Variants in TRIM69 observed in about 807,000 individuals in gnomAD.
TRIM69 encodes the protein E3 ubiquitin-protein ligase TRIM69.
Under a neutral mutation model 37.7 loss-of-function variants are expected in TRIM69, and 29 were observed. The observed-to-expected ratio is 0.77, with a 90% CI of 0.57 to 1.05. The LOEUF (loss-of-function observed/expected upper bound fraction) is 1.05. TRIM69 is among the 50% of genes least tolerant of loss of function. TRIM69 has a pLI of 0.00. For missense variants in TRIM69, 596 were observed against 579.9 expected, an observed-to-expected ratio of 1.03 and a Z score of -0.28; for synonymous variants, 209 against 212.4, an observed-to-expected ratio of 0.98 and a Z score of 0.14.
chr15:44,751,082 A>G (rs1346224082), intron 1 of TRIM69, among the ~76,000 whole-genome samples: 2 of 149,148 alleles, frequency 1.3e-5, no homozygotes, highest in South Asian at 2.1e-4. Context: ...CAGTCTCCCA[A>G]ATAGCTGGAA....
intron 6 of TRIM69, 123 bp from the exon 7 acceptor site, chr15:44,767,108 T>C (rs1199729599): frequency 2.2e-6 from 1 of 458,918 alleles, no homozygotes. Flanking sequence ...TGCTTGCCTG[T>C]CTAAGAGTCT....
intron 1 of TRIM69, among the ~76,000 whole-genome samples, chr15:44,750,289 C>T (rs2087491505): frequency 6.6e-6 from 1 of 152,110 alleles, no homozygotes; most frequent in African/African-American, 2.4e-5. Context: ...GAAGTGTTCC[C>T]TCTTGTTTTT....
intron 1 of TRIM69, among the ~76,000 whole-genome samples, chr15:44,740,953 G>C (rs2087269924): frequency 6.6e-6 from 1 of 152,006 alleles, no homozygotes; most frequent in Non-Finnish European, 1.5e-5. Flanking sequence ...ACTCAGCTCT[G>C]CACCAAGCGG....
chr15:44,736,626 C>G lies in TRIM69; in HGVS notation c.-79C>G, dbSNP rs2087166028. 17 of 1,564,908 alleles carry G rather than the reference C, an allele frequency of 1.1e-5. No homozygotes were observed. Among genetic ancestry groups the G allele is most frequent in the Non-Finnish European group, 1.5e-5 (17 of 1,151,818 alleles). ...TCCTTGAAAACTAAAAGGTCCCTGACTCCCAGTCTGCAGCCATCCTGGGCC... is the reference window on the plus strand; with the variant it reads ...TCCTTGAAAACTAAAAGGTCCCTGAGTCCCAGTCTGCAGCCATCCTGGGCC... On this transcript the variant is annotated 5_prime_UTR_variant, in exon 1 of 7. Transcript: ENST00000329464.
At chr15:44,763,959 C>A (rs1443177248) in intron 6 of TRIM69, among the ~76,000 whole-genome samples, 1 of 152,194 alleles carries the variant, frequency 6.6e-6, no homozygotes, top group Non-Finnish European at 1.5e-5. Flanking sequence ...TTATTCCCAG[C>A]CTTGTGTGAG....
chr15:44,754,582 T>C (rs1406697193), intron 1 of TRIM69: 1 of 288,726 alleles, frequency 3.5e-6, no homozygotes, highest in Non-Finnish European at 6.4e-6. Context: ...TAATAACTAG[T>C]AGAGCAGAAG....
intron 1 of TRIM69, among the ~76,000 whole-genome samples, chr15:44,747,371 C>G (rs1370061737): frequency 6.6e-6 from 1 of 152,132 alleles, no homozygotes; most frequent in East Asian, 1.9e-4. Context: ...AACCCTGCCT[C>G]CATCCTCATA....
rs1378240495 is a variant in TRIM69, at chr15:44,755,130, T to C, written c.237T>C (p.Pro79=). ...TGCAAGCAAAGGAAACATTCTGTCCTGAGTGTAAGATGCTATGTCAGTATA... is the reference window on the plus strand; with the variant it reads ...TGCAAGCAAAGGAAACATTCTGTCCCGAGTGTAAGATGCTATGTCAGTATA... ...WRLQAKETFC[P]ECKMLCQYNN... is the part of the protein sequence containing the mutation. Residue 79 remains proline, a synonymous_variant, in exon 2 of 7, where the codon CCT becomes CCC. Transcript: ENST00000329464. The C allele has an allele frequency of 1.2e-6, 2 of 1,614,238 alleles. No homozygotes were observed. The highest frequency in any genetic ancestry group is 1.3e-5 in the African/African-American group (1 of 75,060).
intron 1 of TRIM69, among the ~76,000 whole-genome samples, chr15:44,749,259 A>G (rs1181363111): frequency 6.6e-6 from 1 of 152,168 alleles, no homozygotes; most frequent in African/African-American, 2.4e-5. Flanking sequence ...TTTAAGATGT[A>G]CAATTCAGTG....
chr15:44,758,799 T>C lies in TRIM69; in HGVS notation c.758T>C (p.Met253Thr). The C allele has an allele frequency of 1.2e-6, 2 of 1,614,064 alleles. No homozygotes were observed. The highest frequency in any genetic ancestry group is 1.7e-6 in the Non-Finnish European group (2 of 1,179,990). Reference sequence around the variant, plus strand: ...GAGCAATGTCTCTTAGCCAAGGATATGTTGGTGAGCATTCAGGCAAAGACG... The same window carrying C: ...GAGCAATGTCTCTTAGCCAAGGATACGTTGGTGAGCATTCAGGCAAAGACG... ...LQEQCLLAKD[M>T]LVSIQAKTEQ... The change falls in exon 4 of 7, where the codon ATG becomes ACG. Residue 253 changes from methionine (M) to threonine (T), a missense_variant. By Grantham distance (81) the Met-to-Thr change is moderately conservative (BLOSUM62 -1). Transcript: ENST00000329464.
At chr15:44,751,017 AC>A (rs1184912681) in intron 1 of TRIM69, among the ~76,000 whole-genome samples, 5 of 140,430 alleles carry the variant, frequency 3.6e-5, no homozygotes, top group Non-Finnish European at 6.0e-5. Flanking sequence ...GTGCAGTGGA[AC>A]AATCATGGCC....
chr15:44,743,727 C>T (rs2087342525), intron 1 of TRIM69, among the ~76,000 whole-genome samples: 1 of 152,202 alleles, frequency 6.6e-6, no homozygotes, highest in Non-Finnish European at 1.5e-5. Context: ...CACTGGCCAT[C>T]AGAGAAATGC....
At chr15:44,757,780 T>G (rs1254543812) in intron 3 of TRIM69, 1 of 152,106 alleles carries the variant, frequency 6.6e-6, no homozygotes, top group African/African-American at 2.4e-5. Context: ...TTCCAAGCAA[T>G]CCTCCCAGCT....
chr15:44,763,806 A>G (rs2087830470), intron 6 of TRIM69, among the ~76,000 whole-genome samples: 1 of 152,220 alleles, frequency 6.6e-6, no homozygotes, highest in Non-Finnish European at 1.5e-5. Flanking sequence ...AGGCTTAAAT[A>G]AAGCCTAGTT....
chr15:44,758,283 T>G, intron 3 of TRIM69: 1 of 300,950 alleles, frequency 3.3e-6, no homozygotes, highest in Non-Finnish European at 6.2e-6. Flanking sequence ...CTTGGCAGCT[T>G]TTGGATTACC....
Position 44,767,494 on chromosome 15 carries a change from C to A in TRIM69, c.1225C>A (p.Pro409Thr). Reference sequence around the variant, plus strand: ...TCGGAAGGGCAGCTGTCCTCTAACTCCTGAGCAAGGATTCTGGCTTTTAAG... The same window carrying A: ...TCGGAAGGGCAGCTGTCCTCTAACTACTGAGCAAGGATTCTGGCTTTTAAG... Reference protein sequence around the residue: ...IIRKGSCPLTPEQGFWLLRLR... With the variant: ...IIRKGSCPLTTEQGFWLLRLR... The change falls in exon 7 of 7, where the codon CCT becomes ACT. Residue 409 changes from proline to threonine, a missense_variant. Pro to Thr is a conservative substitution (Grantham distance 38). Transcript: ENST00000329464. 2 of 1,614,146 alleles carry A rather than the reference C, an allele frequency of 1.2e-6. No homozygotes were observed. The highest frequency in any genetic ancestry group is 2.2e-5 in the South Asian group (2 of 91,072).
Position 44,767,815 on chromosome 15 carries a change from T to A in TRIM69, c.*43T>A, listed in dbSNP as rs1204795018. On this transcript the variant is annotated 3_prime_UTR_variant, in exon 7 of 7. Transcript: ENST00000329464. ...CAAATTCAGAGTGTTATTAAAGAGG[T>A]ATTGAAATATTTTACCAGTCTCACT... 1 of 1,536,316 alleles carries A rather than the reference T, an allele frequency of 6.5e-7. No homozygotes were observed. Among genetic ancestry groups the A allele is most frequent in the Middle Eastern group, 1.7e-4 (1 of 5,740 alleles).
At chr15:44,758,199 G>A (rs113583687) in intron 3 of TRIM69, 28 of 176,106 alleles carry the variant, frequency 1.6e-4, no homozygotes, top group African/African-American at 6.2e-4. Flanking sequence ...TGTAACAGTG[G>A]CATTCCCCCA....
intron 1 of TRIM69, among the ~76,000 whole-genome samples, chr15:44,741,875 T>C (rs986877985): frequency 6.6e-6 from 1 of 152,210 alleles, no homozygotes; most frequent in African/African-American, 2.4e-5. Flanking sequence ...CACAGCCGAA[T>C]TCTACCAGAG....
Sources: gnomAD v4.1 joint callset for allele counts (sites outside exome capture counted in the v4.1 genomes callset) on GRCh38, gnomAD v4.1.1 for gene constraint, MANE v1.5 for transcripts, NCBI Gene and HGNC (gene_info 2026-07-23, HGNC 2026-07-21) for gene names.